The following ADARB2 variants were observed in gnomAD, a reference collection of about 807,000 sequenced individuals.
The protein encoded by ADARB2 is inactive double-stranded RNA-specific editase B2.
A neutral mutation model predicts 62.2 loss-of-function variants in ADARB2; 25 were observed. The observed-to-expected ratio is 0.40, with a 90% CI of 0.29 to 0.56. The LOEUF (loss-of-function observed/expected upper bound fraction) is 0.56, where lower values mean the gene tolerates loss of function less well. Among genes scored for constraint, ADARB2 ranks in the 20% least tolerant of loss-of-function variants. ADARB2 has a pLI of 0.43. For synonymous variants in ADARB2, 572 were observed against 500.8 expected, an observed-to-expected ratio of 1.14 and a Z score of -1.90; for missense variants, 1,071 against 1,077.4, an observed-to-expected ratio of 0.99 and a Z score of 0.08.
At chr10:1,240,702 A>G (rs1034650009) in intron 5 of ADARB2, among the ~76,000 whole-genome samples, 6 of 152,030 alleles carry the variant, frequency 3.9e-5, no homozygotes, top group African/African-American at 1.2e-4. Flanking sequence ...CGTCGGGTGC[A>G]CCTGTCTGTG....
Position 1,633,243 on chromosome 10 carries a change from G to A in ADARB2, c.100+103808C>T, listed in dbSNP as rs550788238. ...AGTGCCCAAGCAGGGATTGAGGGACGTCTTAGCCTCCATGATCACATGAGC... is the reference window on the plus strand; with the variant it reads ...AGTGCCCAAGCAGGGATTGAGGGACATCTTAGCCTCCATGATCACATGAGC... On this transcript the variant is annotated intron_variant, in intron 1 of 9. Coordinates refer to ENST00000381312, the MANE Select transcript of ADARB2 (RefSeq NM_018702.4). 6.0e-4 allele frequency among the ~76,000 whole-genome samples: 91 copies of A among 152,234 alleles called. 2 individuals are homozygous for A. The highest frequency in any genetic ancestry group is 1.7e-3 in the Admixed American group (26 of 15,296).
intron 1 of ADARB2, among the ~76,000 whole-genome samples, chr10:1,657,102 T>TC (rs915235458): frequency 8.5e-5 from 13 of 152,098 alleles, no homozygotes; most frequent in African/African-American, 3.1e-4. Flanking sequence ...ATTTTTTTTT[T>TC]CCACAACGTA....
chr10:1,597,604 T>C (rs549152136), intron 1 of ADARB2, among the ~76,000 whole-genome samples: 6 of 152,286 alleles, frequency 3.9e-5, no homozygotes, highest in Admixed American at 6.5e-5. Context: ...TGGCAGTTAT[T>C]AAAAAGTCAA....
intron 3 of ADARB2, among the ~76,000 whole-genome samples, chr10:1,352,879 T>A (rs1029213167): frequency 9.2e-5 from 14 of 152,132 alleles, no homozygotes; most frequent in Non-Finnish European, 1.9e-4. Flanking sequence ...CATTTCCCCA[T>A]ATTTCCTTCT....
At chr10:1,259,364 G>GT (rs1831112079) in intron 4 of ADARB2, among the ~76,000 whole-genome samples, 1 of 152,166 alleles carries the variant, frequency 6.6e-6, no homozygotes, top group Admixed American at 6.5e-5. Flanking sequence ...CCAGGAGCTG[G>GT]TTTTTTGAAA....
At chr10:1,444,281 A>ACATCCATT (rs1554763495) in intron 1 of ADARB2, among the ~76,000 whole-genome samples, 4 of 117,568 alleles carry the variant, frequency 3.4e-5, no homozygotes, top group Non-Finnish European at 6.5e-5. Context: ...CCATCTATCT[A>ACATCCATT]CATCCATCCA....
At chr10:1,216,619 C>T (rs1168609250) in intron 7 of ADARB2, 4 of 346,604 alleles carry the variant, frequency 1.2e-5, no homozygotes, top group Non-Finnish European at 1.1e-5. Flanking sequence ...AGCCTATGGC[C>T]ACCCCGACTG....
intron 1 of ADARB2, among the ~76,000 whole-genome samples, chr10:1,397,964 C>T (rs2805515): frequency 0.45 from 21,974 of 49,200 alleles, 3,095 homozygotes; most frequent in East Asian, 0.64. Flanking sequence ...GGTCACCGTC[C>T]GTCTCTCCCC....
intron 3 of ADARB2, among the ~76,000 whole-genome samples, chr10:1,294,433 C>T (rs1831506106): frequency 1.3e-5 from 2 of 152,148 alleles, no homozygotes; most frequent in Admixed American, 6.5e-5. Flanking sequence ...GCCACAGCTG[C>T]ACACTCTGAG....
chr10:1,552,924 C>CGTTT (rs1554771189), intron 1 of ADARB2, among the ~76,000 whole-genome samples: 18 of 151,792 alleles, frequency 1.2e-4, no homozygotes, highest in East Asian at 5.8e-4. Flanking sequence ...TTAATTAATT[C>CGTTT]GTTTAGTCAC....
rs116332292 is a variant in ADARB2, at chr10:1,686,495, G to A, written c.100+50556C>T. On this transcript the variant is annotated intron_variant, in intron 1 of 9. Transcript: ENST00000381312. ...TAGGGGAAGGTCTAATGGTGGTTGC[G>A]TGATAAGAAACAAGGCTGTGGATTG... Among the ~76,000 whole-genome samples the A allele has an allele frequency of 5.9e-3, 899 of 152,330 alleles. 9 individuals are homozygous for A. The highest frequency in any genetic ancestry group is 0.021 in the African/African-American group (859 of 41,564).
chr10:1,624,045 C>G (rs1372818758), intron 1 of ADARB2, among the ~76,000 whole-genome samples: 1 of 152,018 alleles, frequency 6.6e-6, no homozygotes, highest in East Asian at 1.9e-4. Flanking sequence ...CCAGCCTGGG[C>G]AACATGGCAA....
chr10:1,345,098 T>G (rs1298904782), intron 3 of ADARB2, among the ~76,000 whole-genome samples: 1 of 147,714 alleles, frequency 6.8e-6, no homozygotes, highest in Non-Finnish European at 1.5e-5. Flanking sequence ...CAGCCTCGGG[T>G]GTGAGCCAGG....
At chr10:1,226,429 C>T (rs59061448) in intron 6 of ADARB2, among the ~76,000 whole-genome samples, 5,884 of 152,336 alleles carry the variant, frequency 0.039, 368 homozygotes, top group African/African-American at 0.13. Flanking sequence ...ATTCTCCATC[C>T]AGCTTTGTTC....
chr10:1,229,603 C>T (rs1830778619), intron 6 of ADARB2, among the ~76,000 whole-genome samples: 2 of 57,916 alleles, frequency 3.5e-5, no homozygotes, highest in African/African-American at 1.7e-4. Flanking sequence ...TTGACTTAAT[C>T]ACGTCATAGT....
At chr10:1,736,976 A>C (rs529224047) in intron 1 of ADARB2, 75 bp downstream of exon 1, 2 of 1,454,962 alleles carry the variant, frequency 1.4e-6, no homozygotes, top group Non-Finnish European at 9.5e-7. Flanking sequence ...ACAAGCCCGG[A>C]GACCCCATGA....
intron 3 of ADARB2, among the ~76,000 whole-genome samples, chr10:1,273,707 A>G (rs1419567914): frequency 6.6e-6 from 1 of 152,064 alleles, no homozygotes; most frequent in African/African-American, 2.4e-5. Context: ...CTCAGCTATC[A>G]CCTCAGGCCT....
At chr10:1,734,938 G>A (rs868164440) in intron 1 of ADARB2, among the ~76,000 whole-genome samples, 1 of 151,882 alleles carries the variant, frequency 6.6e-6, no homozygotes, top group Admixed American at 6.6e-5. Flanking sequence ...TATCATAGAT[G>A]AAGTAATCAA....
At chr10:1,198,291 C>A (rs1203597042) in intron 8 of ADARB2, among the ~76,000 whole-genome samples, 1 of 152,202 alleles carries the variant, frequency 6.6e-6, no homozygotes, top group African/African-American at 2.4e-5. Flanking sequence ...ACATAATCTT[C>A]ATCTTCTAAG....
Sources: gnomAD v4.1 joint callset for allele counts (sites outside exome capture counted in the v4.1 genomes callset) on GRCh38, gnomAD v4.1.1 for gene constraint, MANE v1.5 for transcripts, NCBI Gene and HGNC (gene_info 2026-07-23, HGNC 2026-07-21) for gene names.